ARID1B: variants seen among roughly 807,000 people sequenced by gnomAD.
ARID1B encodes the protein AT-rich interaction domain 1B.
A neutral mutation model predicts 212.3 loss-of-function variants in ARID1B; 30 were observed. The observed-to-expected ratio is 0.14, with a 90% CI of 0.11 to 0.19. The LOEUF is 0.19. Ranked by LOEUF, ARID1B falls within the 10% of genes least tolerant of loss-of-function variation. The pLI, the probability that ARID1B is intolerant of heterozygous loss-of-function variation, is 1.00. For synonymous variants in ARID1B, 1,402 were observed against 1,301.7 expected (o/e 1.08, Z -1.66); for missense variants, 2,891 against 3,204.0 (o/e 0.90, Z 2.36).
chr6:156,806,992 C>T (rs1306456798), intron 1 of ARID1B, among the ~76,000 whole-genome samples: 1 of 152,140 alleles, frequency 6.6e-6, no homozygotes, highest in Non-Finnish European at 1.5e-5. Context: ...TTCTTTCCCC[C>T]AACCATTTAA....
intron 4 of ARID1B, among the ~76,000 whole-genome samples, chr6:157,044,592 G>C (rs1029381148): frequency 1.3e-5 from 2 of 152,168 alleles, no homozygotes; most frequent in African/African-American, 4.8e-5. Flanking sequence ...ATCTAACTTA[G>C]AGGGCTCCAG....
Position 157,148,931 on chromosome 6 carries a change from T to C in ARID1B, c.3069T>C (p.Ala1023=), listed in dbSNP as rs1206844988. 2 of 1,611,996 alleles carry C rather than the reference T, an allele frequency of 1.2e-6. No individual in the cohort carries two copies. Among genetic ancestry groups the C allele is most frequent in the Non-Finnish European group, 1.7e-6 (2 of 1,179,442 alleles). ...CAGCCGCAGCAGTGATGCAGGCTGCTGCGAACTCAGCACAAAGCAGGTACG... is the reference window on the plus strand; with the variant it reads ...CAGCCGCAGCAGTGATGCAGGCTGCCGCGAACTCAGCACAAAGCAGGTACG... ...QEAAAAVMQA[A]ANSAQSRQGS... Residue 1023 remains alanine (A), a synonymous_variant, in exon 8 of 20, where the codon GCT becomes GCC. Transcript: ENST00000636930. This position sits in a 1 kb window ranked among gnomAD's most constrained non-coding sequence, Gnocchi z 5.6.
Position 157,190,460 on chromosome 6 carries a change from C to T in ARID1B, c.4231+250C>T, listed in dbSNP as rs1793279733. Among the ~76,000 whole-genome samples, 1 of 152,226 alleles carries T rather than the reference C, an allele frequency of 6.6e-6. No homozygotes were observed. The highest frequency in any genetic ancestry group is 2.1e-4 in the South Asian group (1 of 4,834). ...GGCACATGCTCCCTGTTTCCGGATA[C>T]CTGCCACCTCCTTACACGTGCCAAG... On this transcript the variant is annotated intron_variant, in intron 15 of 19. Coordinates refer to ENST00000636930, the MANE Select transcript of ARID1B (RefSeq NM_001374828.1). This position sits in a 1 kb window ranked among gnomAD's most constrained non-coding sequence, Gnocchi z 4.6.
At chr6:156,934,932 ATATATATATATATATATATATATATATAT>A (rs373142866) in intron 3 of ARID1B, among the ~76,000 whole-genome samples, 9,081 of 93,466 alleles carry the variant, frequency 0.097, 529 homozygotes, top group Middle Eastern at 0.13. Flanking sequence ...ATATATATAT[ATATATATATATATATATATATATATATAT>A]AGTTTATATT....
At chr6:157,040,436 C>T (rs1326522733) in intron 4 of ARID1B, among the ~76,000 whole-genome samples, 4 of 152,130 alleles carry the variant, frequency 2.6e-5, no homozygotes, top group South Asian at 4.1e-4. Context: ...CTGTGTATGT[C>T]GCCGCTCCTT....
intron 8 of ARID1B, among the ~76,000 whole-genome samples, chr6:157,161,429 G>GTATATATATATATATATATATA (rs1228344142): frequency 2.2e-5 from 3 of 134,086 alleles, no homozygotes; most frequent in African/African-American, 9.0e-5. Context: ...GATTGTGTGT[G>GTATATATATATATATATATATA]TGTATATATA....
chr6:156,926,602 C>G (rs1187440695), intron 3 of ARID1B, among the ~76,000 whole-genome samples: 1 of 152,222 alleles, frequency 6.6e-6, no homozygotes, highest in African/African-American at 2.4e-5. Flanking sequence ...GCACACGTCA[C>G]TCCACCTTCA....
chr6:156,946,561 T>C (rs1793167760), intron 4 of ARID1B, among the ~76,000 whole-genome samples: 1 of 152,144 alleles, frequency 6.6e-6, no homozygotes, highest in Admixed American at 6.5e-5. Flanking sequence ...TAACGCCCTT[T>C]TAACATATGC....
At chr6:157,117,876 CCAGATGCATTTCCATGACTGCA>C (rs1787428252) in intron 6 of ARID1B, among the ~76,000 whole-genome samples, 1 of 152,172 alleles carries the variant, frequency 6.6e-6, no homozygotes, top group Non-Finnish European at 1.5e-5. Flanking sequence ...TCTGTTCTTC[CCAGATGCATTTCCATGACTGCA>C]CAGCTGTACT....
intron 2 of ARID1B, among the ~76,000 whole-genome samples, chr6:156,876,469 G>A (rs1051837879): frequency 2.0e-5 from 3 of 152,172 alleles, no homozygotes; most frequent in South Asian, 2.1e-4. Context: ...GATGCCGGCT[G>A]GGCATGTCCA....
intron 5 of ARID1B, among the ~76,000 whole-genome samples, chr6:157,093,058 T>C (rs1346916780): frequency 6.6e-6 from 1 of 152,196 alleles, no homozygotes; most frequent in Non-Finnish European, 1.5e-5. Context: ...GAAATGCTGT[T>C]GGCATTGACC....
intron 6 of ARID1B, among the ~76,000 whole-genome samples, chr6:157,123,023 C>T (rs1029435555): frequency 2.0e-5 from 3 of 152,052 alleles, no homozygotes; most frequent in African/African-American, 7.2e-5. Context: ...CCTTTAACCC[C>T]CACAAAAAAC....
At chr6:156,963,004 A>G (rs932686096) in intron 4 of ARID1B, among the ~76,000 whole-genome samples, 2 of 152,084 alleles carry the variant, frequency 1.3e-5, no homozygotes, top group East Asian at 3.9e-4. Flanking sequence ...GATGATCGCT[A>G]TCTCCTGACC....
At chr6:156,813,631 C>G (rs1168317393) in intron 1 of ARID1B, among the ~76,000 whole-genome samples, 1 of 152,250 alleles carries the variant, frequency 6.6e-6, no homozygotes, top group East Asian at 1.9e-4. Context: ...TCTGTCTTCC[C>G]TTTATATGAT....
At chr6:156,842,251 G>T (rs1007913483) in intron 2 of ARID1B, among the ~76,000 whole-genome samples, 1 of 152,120 alleles carries the variant, frequency 6.6e-6, no homozygotes, top group African/African-American at 2.4e-5. Flanking sequence ...GAGACCCCTG[G>T]ATTCATTACG....
chr6:157,039,651 TTCCTTCCTTCCTTCCTTCC>T (rs1781619208), intron 4 of ARID1B, among the ~76,000 whole-genome samples: 2 of 43,772 alleles, frequency 4.6e-5, no homozygotes, highest in Non-Finnish European at 1.0e-4. Flanking sequence ...CCTTCTTTCC[TTCCTTCCTTCCTTCCTTCC>T]TTCCTTCCTT....
At chr6:156,935,361 T>G (rs1582984026) in intron 3 of ARID1B, 105 bp from the exon 4 acceptor site, 1 of 939,196 alleles carries the variant, frequency 1.1e-6, no homozygotes, top group East Asian at 2.5e-5. Context: ...ATTACAGGCA[T>G]GAGCCACTGT....
In ARID1B at chr6:157,133,177, G is replaced by A. The variant is rs150249745; in HGVS notation, c.2731G>A (p.Gly911Ser). 1.2e-4 allele frequency: 188 copies of A among 1,613,118 alleles called. No homozygotes were observed. Among genetic ancestry groups the A allele is most frequent in the Non-Finnish European group, 1.5e-4 (180 of 1,179,708 alleles). The part of the protein sequence containing the change: ...FQQSNSSGTY[G>S]PQMSQYGPQG... ...GCAGAGTAACTCAAGTGGGACTTAC[G>A]GTCCACAGATGAGCCAGTATGGACC... is the stretch of plus-strand genomic sequence containing the variant. Residue 911 changes from glycine to serine, a missense_variant, in exon 7 of 20, where the codon GGT (glycine) becomes AGT (serine). Physicochemically the swap from Gly to Ser is moderately conservative, Grantham distance 56 (BLOSUM62 0). This residue lies in a region of ARID1B where 1,643 missense variants were observed against 1,544.0 expected (regional missense o/e 1.06). Coordinates refer to ENST00000636930, the MANE Select transcript of ARID1B (RefSeq NM_001374828.1).
intron 5 of ARID1B, among the ~76,000 whole-genome samples, chr6:157,090,685 C>T (rs1483247518): frequency 2.6e-5 from 4 of 152,308 alleles, no homozygotes; most frequent in Non-Finnish European, 5.9e-5. Flanking sequence ...TTTCGTGCTT[C>T]GCTGTTTGAG....
Sources: allele counts gnomAD v4.1 joint callset (sites outside exome capture counted in the v4.1 genomes callset), GRCh38; gene constraint gnomAD v4.1.1; regional missense constraint gnomAD v4.1.1; non-coding constraint Gnocchi (gnomAD v3.1); transcripts MANE v1.5; gene names NCBI Gene and HGNC (gene_info 2026-07-23, HGNC 2026-07-21).